MDGA2: variants seen among roughly 807,000 people sequenced by gnomAD.
The protein encoded by MDGA2 is MAM domain containing glycosylphosphatidylinositol anchor 2, also known as MAM domain-containing glycosylphosphatidylinositol anchor protein 2.
MDGA2 carries 40 observed loss-of-function variants against 117.8 expected under a neutral mutation model. The ratio of observed to expected loss-of-function variants is 0.34; its 90% CI spans 0.26 to 0.44. The LOEUF is 0.44. Ranked by LOEUF, MDGA2 falls within the 20% of genes least tolerant of loss-of-function variation. MDGA2 has a pLI of 1.00. For synonymous variants in MDGA2, 452 were observed against 439.0 expected (o/e 1.03, Z -0.37); for missense variants, 1,123 against 1,250.6 (o/e 0.90, Z 1.54).
chr14:46,926,499 C>A, intron 9 of MDGA2, among the ~76,000 whole-genome samples: 1 of 151,036 alleles, frequency 6.6e-6, no homozygotes, highest in East Asian at 1.9e-4. Flanking sequence ...ATTTGAGAAT[C>A]AAAGTCATAT....
chr14:46,915,423 T>C (rs1278401261), intron 10 of MDGA2, among the ~76,000 whole-genome samples: 1 of 152,146 alleles, frequency 6.6e-6, no homozygotes, highest in African/African-American at 2.4e-5. Context: ...AAATTTCACA[T>C]GTACCCCATA....
At chr14:47,178,970 G>C (rs1457798778) in intron 3 of MDGA2, among the ~76,000 whole-genome samples, 1 of 152,038 alleles carries the variant, frequency 6.6e-6, no homozygotes, top group African/African-American at 2.4e-5. Flanking sequence ...ATCCATTAGA[G>C]AGACATATGG....
intron 1 of MDGA2, among the ~76,000 whole-genome samples, chr14:47,534,959 T>C (rs1039716456): frequency 1.3e-5 from 2 of 152,308 alleles, no homozygotes; most frequent in Middle Eastern, 3.4e-3. Flanking sequence ...TTGCAGCTGT[T>C]TTTGAATGCC....
At chr14:47,224,600 G>A (rs1283570874) in intron 2 of MDGA2, among the ~76,000 whole-genome samples, 1 of 152,110 alleles carries the variant, frequency 6.6e-6, no homozygotes, top group Non-Finnish European at 1.5e-5. Flanking sequence ...ATGTCAATGT[G>A]AGCATTGTCC....
intron 5 of MDGA2, among the ~76,000 whole-genome samples, chr14:47,100,423 C>T (rs1880237348): frequency 6.6e-6 from 1 of 152,060 alleles, no homozygotes; most frequent in Admixed American, 6.6e-5. Context: ...CATACGTCTA[C>T]AGCATGTGTT....
intron 2 of MDGA2, among the ~76,000 whole-genome samples, chr14:47,276,308 A>T (rs776225244): frequency 2.6e-5 from 4 of 152,198 alleles, no homozygotes; most frequent in Non-Finnish European, 4.4e-5. Flanking sequence ...TAAATTGATT[A>T]AAAAACATGC....
chr14:46,913,253 C>A (rs2138488353), intron 10 of MDGA2, among the ~76,000 whole-genome samples: 1 of 152,166 alleles, frequency 6.6e-6, no homozygotes, highest in African/African-American at 2.4e-5. Flanking sequence ...TTGTACCTGT[C>A]TCTATTATAA....
At chr14:47,159,965 AAATAT>A (rs1426256373) in intron 3 of MDGA2, among the ~76,000 whole-genome samples, 2 of 152,180 alleles carry the variant, frequency 1.3e-5, no homozygotes, top group Non-Finnish European at 2.9e-5. Context: ...TTGGTTGGCA[AAATAT>A]AATAAAGTAT....
intron 8 of MDGA2, among the ~76,000 whole-genome samples, chr14:46,967,666 C>A (rs963489847): frequency 1.3e-5 from 2 of 152,148 alleles, no homozygotes; most frequent in Non-Finnish European, 2.9e-5. Context: ...GTATTCACTA[C>A]AGTTGTCCCC....
chr14:47,342,981 T>G (rs1166162910), intron 1 of MDGA2: 1 of 953,418 alleles, frequency 1.0e-6, no homozygotes, highest in Admixed American at 2.3e-5. Context: ...AAAGGCAGCT[T>G]TGCCTGGCAG....
At chr14:46,983,112 T>C (rs1038451223) in intron 8 of MDGA2, among the ~76,000 whole-genome samples, 3 of 152,112 alleles carry the variant, frequency 2.0e-5, no homozygotes, top group East Asian at 1.9e-4. Flanking sequence ...ATTACGTTTA[T>C]TGATAAAAAA....
chr14:47,283,570 T>G (rs1888572408), intron 2 of MDGA2, among the ~76,000 whole-genome samples: 1 of 152,140 alleles, frequency 6.6e-6, no homozygotes, highest in Non-Finnish European at 1.5e-5. Context: ...AGCAACCAGG[T>G]AAACTGTAAA....
At chr14:47,131,398 A>G (rs1882197871) in intron 5 of MDGA2, among the ~76,000 whole-genome samples, 1 of 152,010 alleles carries the variant, frequency 6.6e-6, no homozygotes, top group Non-Finnish European at 1.5e-5. Flanking sequence ...ACGAATTTTT[A>G]TATGTAGAAT....
chr14:46,849,603 A>G (rs1005256202), intron 15 of MDGA2, among the ~76,000 whole-genome samples: 1 of 151,898 alleles, frequency 6.6e-6, no homozygotes, highest in Non-Finnish European at 1.5e-5. Flanking sequence ...CATTTGTAAA[A>G]ATAAATCTTT....
At chr14:47,199,218 T>C (rs974483793) in intron 3 of MDGA2, among the ~76,000 whole-genome samples, 3 of 151,922 alleles carry the variant, frequency 2.0e-5, no homozygotes, top group East Asian at 3.9e-4. Context: ...CATATATATG[T>C]CATATATATA....
At chr14:47,410,541 T>C (rs899325182) in intron 1 of MDGA2, among the ~76,000 whole-genome samples, 1 of 152,158 alleles carries the variant, frequency 6.6e-6, no homozygotes, top group Non-Finnish European at 1.5e-5. Context: ...ACAAATGACA[T>C]AGCAACTATA....
At chr14:47,422,458 A>AT (rs1892599186) in intron 1 of MDGA2, among the ~76,000 whole-genome samples, 1 of 152,184 alleles carries the variant, frequency 6.6e-6, no homozygotes, top group Non-Finnish European at 1.5e-5. Flanking sequence ...TCTTCCAAAG[A>AT]ATGAGAGAAC....
intron 10 of MDGA2, among the ~76,000 whole-genome samples, chr14:46,907,137 T>G (rs1883529845): frequency 1.3e-5 from 2 of 151,854 alleles, no homozygotes; most frequent in African/African-American, 4.8e-5. Context: ...CCACCATGCC[T>G]GGCTAATTTT....
At chr14:47,523,647 C>G (rs1478152135) in intron 1 of MDGA2, among the ~76,000 whole-genome samples, 2 of 152,166 alleles carry the variant, frequency 1.3e-5, no homozygotes, top group African/African-American at 4.8e-5. Context: ...GGCACCTGCA[C>G]TTTGCTCTAA....
Sources: allele counts gnomAD v4.1 joint callset (sites outside exome capture counted in the v4.1 genomes callset), GRCh38; gene constraint gnomAD v4.1.1; transcripts MANE v1.5; gene names NCBI Gene and HGNC (gene_info 2026-07-23, HGNC 2026-07-21).